The following ST6GALNAC3 variants were observed in gnomAD, a reference collection of about 807,000 sequenced individuals.
ST6GALNAC3 encodes ST6 N-acetylgalactosaminide alpha-2,6-sialyltransferase 3.
Under a neutral mutation model 32.7 loss-of-function variants are expected in ST6GALNAC3, and 25 were observed. The observed-to-expected ratio is 0.76, with a 90% CI of 0.56 to 1.07. ST6GALNAC3 has a LOEUF of 1.07. Among genes scored for constraint, ST6GALNAC3 ranks in the 50% least tolerant of loss-of-function variants. ST6GALNAC3 has a pLI of 0.00. For missense variants in ST6GALNAC3, 355 were observed against 382.4 expected (o/e 0.93, Z 0.60); for synonymous variants, 129 against 133.1 (o/e 0.97, Z 0.21).
chr1:76,380,818 C>G (rs573481640), intron 2 of ST6GALNAC3, among the ~76,000 whole-genome samples: 1 of 152,180 alleles, frequency 6.6e-6, no homozygotes, highest in South Asian at 2.1e-4. Flanking sequence ...GTAAAAATCA[C>G]CAGAAATTTG....
chr1:76,305,103 C>A (rs1209611317), intron 1 of ST6GALNAC3, among the ~76,000 whole-genome samples: 1 of 151,990 alleles, frequency 6.6e-6, no homozygotes, highest in Non-Finnish European at 1.5e-5. Flanking sequence ...GATTGGAGAA[C>A]ATTTCTTCCC....
chr1:76,525,791 GTATA>G (rs199721572), intron 3 of ST6GALNAC3, among the ~76,000 whole-genome samples: 789 of 75,544 alleles, frequency 0.01, 23 homozygotes, highest in South Asian at 0.022. Flanking sequence ...GTGTGTGTGT[GTATA>G]TATATATATA....
At chr1:76,542,391 T>C (rs900577745) in intron 3 of ST6GALNAC3, among the ~76,000 whole-genome samples, 5 of 152,158 alleles carry the variant, frequency 3.3e-5, no homozygotes, top group South Asian at 4.1e-4. Flanking sequence ...GCACTGCTAG[T>C]ATATAGTAAG....
At chr1:76,094,402 G>A (rs1467816768) in intron 1 of ST6GALNAC3, among the ~76,000 whole-genome samples, 1 of 152,188 alleles carries the variant, frequency 6.6e-6, no homozygotes, top group Non-Finnish European at 1.5e-5. Flanking sequence ...CATTTATTGA[G>A]AGCTTCCCAA....
At position 76,412,004 on chromosome 1, in the gene ST6GALNAC3, T is replaced by A; in HGVS notation, c.214-4T>A. 6.2e-7 allele frequency: 1 copy of A among 1,607,164 alleles called. No homozygotes were observed. The highest frequency in any genetic ancestry group is 2.2e-5 in the East Asian group (1 of 44,754). On this transcript the variant is annotated splice_region_variant and splice_polypyrimidine_tract_variant and intron_variant, in intron 2 of 4. Transcript: ENST00000328299. ...TTTACATGCCTTCTTTCTCTATTTT[T>A]CAGCCTTTGCAACTGGACTGTGACC... is the stretch of plus-strand genomic sequence containing the variant.
At chr1:76,383,238 A>G (rs1168584864) in intron 2 of ST6GALNAC3, among the ~76,000 whole-genome samples, 6 of 151,974 alleles carry the variant, frequency 3.9e-5, no homozygotes, top group Non-Finnish European at 8.8e-5. Context: ...TAAACAGCAA[A>G]CCCACATTAA....
At chr1:76,082,877 GT>G (rs534228194) in intron 1 of ST6GALNAC3, among the ~76,000 whole-genome samples, 3,492 of 146,156 alleles carry the variant, frequency 0.024, 103 homozygotes, top group Admixed American at 0.079. Context: ...CGTGTTTTTT[GT>G]TTTTTTTTTT....
intron 3 of ST6GALNAC3, among the ~76,000 whole-genome samples, chr1:76,547,623 G>C (rs1051034136): frequency 1.3e-5 from 2 of 152,072 alleles, no homozygotes; most frequent in Non-Finnish European, 2.9e-5. Flanking sequence ...GGGAGGCGGA[G>C]GGGAGTGGAT....
intron 1 of ST6GALNAC3, among the ~76,000 whole-genome samples, chr1:76,276,633 A>G (rs1659149061): frequency 6.6e-6 from 1 of 152,124 alleles, no homozygotes; most frequent in African/African-American, 2.4e-5. Flanking sequence ...ATCTTCTCTT[A>G]TACATTGTTG....
At chr1:76,515,364 T>TA (rs1052270903) in intron 3 of ST6GALNAC3, among the ~76,000 whole-genome samples, 1 of 152,134 alleles carries the variant, frequency 6.6e-6, no homozygotes, top group Non-Finnish European at 1.5e-5. Context: ...ATTTTATCTT[T>TA]AAAAAAACCA....
chr1:76,585,567 AAC>A (rs1463365706), intron 3 of ST6GALNAC3, among the ~76,000 whole-genome samples: 1 of 152,092 alleles, frequency 6.6e-6, no homozygotes, highest in Non-Finnish European at 1.5e-5. Context: ...TGGAAGGGCA[AAC>A]ACAGAGTAGA....
intron 1 of ST6GALNAC3, among the ~76,000 whole-genome samples, chr1:76,299,695 C>A (rs144208136): frequency 1.3e-5 from 2 of 152,128 alleles, no homozygotes; most frequent in East Asian, 1.9e-4. Context: ...TTCTCCACAA[C>A]TATGTATTGG....
chr1:76,319,967 ATT>A (rs950760610), intron 2 of ST6GALNAC3, among the ~76,000 whole-genome samples: 1 of 152,150 alleles, frequency 6.6e-6, no homozygotes, highest in African/African-American at 2.4e-5. Context: ...GAAAGGATAT[ATT>A]TTTTGAGTGG....
At chr1:76,355,807 T>C (rs1431698053) in intron 2 of ST6GALNAC3, among the ~76,000 whole-genome samples, 3 of 152,192 alleles carry the variant, frequency 2.0e-5, no homozygotes, top group African/African-American at 7.2e-5. Context: ...GCATGAACCA[T>C]TTATCAAGTC....
chr1:76,490,225 A>G (rs1660405428), intron 3 of ST6GALNAC3, among the ~76,000 whole-genome samples: 1 of 152,012 alleles, frequency 6.6e-6, no homozygotes, highest in African/African-American at 2.4e-5. Flanking sequence ...ATGGCTAGAG[A>G]GGCGAGAGTT....
intron 1 of ST6GALNAC3, among the ~76,000 whole-genome samples, chr1:76,110,909 T>C (rs961635766): frequency 6.6e-6 from 1 of 152,204 alleles, no homozygotes; most frequent in African/African-American, 2.4e-5. Flanking sequence ...ATTAATCTTT[T>C]GTACACAAGA....
chr1:76,081,064 C>G (rs1646887625), intron 1 of ST6GALNAC3, among the ~76,000 whole-genome samples: 1 of 152,144 alleles, frequency 6.6e-6, no homozygotes, highest in Non-Finnish European at 1.5e-5. Context: ...GGCTTCTGTG[C>G]TAAGTAAACT....
intron 3 of ST6GALNAC3, among the ~76,000 whole-genome samples, chr1:76,625,741 C>T (rs1160381336): frequency 2.6e-5 from 4 of 151,918 alleles, no homozygotes; most frequent in African/African-American, 4.8e-5. Context: ...TACTGTAGCT[C>T]ACTTCCCTGA....
intron 3 of ST6GALNAC3, among the ~76,000 whole-genome samples, chr1:76,605,801 G>T (rs1047916032): frequency 1.5e-5 from 2 of 135,520 alleles, no homozygotes; most frequent in African/African-American, 5.4e-5. Flanking sequence ...AGTGGCAGAG[G>T]TTGCAGTGAG....
Sources: gnomAD v4.1 joint callset for allele counts (sites outside exome capture counted in the v4.1 genomes callset) on GRCh38, gnomAD v4.1.1 for gene constraint, MANE v1.5 for transcripts, NCBI Gene and HGNC (gene_info 2026-07-23, HGNC 2026-07-21) for gene names.